PTPRM: variants seen among roughly 807,000 people sequenced by gnomAD.
The protein encoded by PTPRM is protein tyrosine phosphatase receptor type M.
PTPRM carries 47 observed loss-of-function variants against 186.7 expected under a neutral mutation model. The ratio of observed to expected loss-of-function variants is 0.25; its 90% CI spans 0.20 to 0.32. The LOEUF (loss-of-function observed/expected upper bound fraction) is 0.32. PTPRM is among the 10% of genes least tolerant of loss of function. The pLI is 1.00. For missense variants in PTPRM, 1,494 were observed against 1,865.0 expected, an observed-to-expected ratio of 0.80 and a Z score of 3.66; for synonymous variants, 668 against 674.9, an observed-to-expected ratio of 0.99 and a Z score of 0.16.
intron 7 of PTPRM, among the ~76,000 whole-genome samples, chr18:7,982,115 C>T (rs1178023646): frequency 6.6e-6 from 1 of 152,034 alleles, no homozygotes; most frequent in East Asian, 1.9e-4. Context: ...TAAATTAACC[C>T]TAGCTTCCTT....
chr18:8,294,209 G>A (rs1047029851), intron 19 of PTPRM, among the ~76,000 whole-genome samples: 25 of 152,152 alleles, frequency 1.6e-4, no homozygotes, highest in Non-Finnish European at 3.5e-4. Flanking sequence ...CTGAGATCGT[G>A]CCACTGCACT....
At chr18:7,966,132 A>G (rs935345925) in intron 7 of PTPRM, among the ~76,000 whole-genome samples, 1 of 152,242 alleles carries the variant, frequency 6.6e-6, no homozygotes, top group African/African-American at 2.4e-5. Flanking sequence ...ACCTATTAGA[A>G]TAAACTGCAA....
At chr18:8,209,254 A>G (rs2093970117) in intron 14 of PTPRM, among the ~76,000 whole-genome samples, 1 of 152,160 alleles carries the variant, frequency 6.6e-6, no homozygotes, top group South Asian at 2.1e-4. Context: ...CAAGGACACA[A>G]GCGAAGAGAC....
chr18:7,667,729 G>T (rs1000432606), intron 1 of PTPRM, among the ~76,000 whole-genome samples: 1 of 152,076 alleles, frequency 6.6e-6, no homozygotes, highest in Non-Finnish European at 1.5e-5. Context: ...GATAGAAAAA[G>T]GACATTTGCA....
At chr18:8,375,411 T>C (rs969975071) in intron 24 of PTPRM, among the ~76,000 whole-genome samples, 1 of 152,182 alleles carries the variant, frequency 6.6e-6, no homozygotes, top group Admixed American at 6.5e-5. Context: ...TTGCTAGCAA[T>C]TGGATGAATG....
chr18:7,998,958 A>G (rs1446159056), intron 7 of PTPRM, among the ~76,000 whole-genome samples: 1 of 152,206 alleles, frequency 6.6e-6, no homozygotes, highest in African/African-American at 2.4e-5. Flanking sequence ...CCTGGCCTGT[A>G]TAGCATTATT....
At chr18:8,383,221 C>A (rs1408294042) in intron 29 of PTPRM, among the ~76,000 whole-genome samples, 1 of 135,154 alleles carries the variant, frequency 7.4e-6, no homozygotes, top group Non-Finnish European at 1.5e-5. Context: ...TCGCTTGAAC[C>A]CGGGGGGCGG....
chr18:7,888,641 G>T (rs1450357952), intron 3 of PTPRM, among the ~76,000 whole-genome samples: 3 of 152,060 alleles, frequency 2.0e-5, no homozygotes, highest in Admixed American at 2.0e-4. Flanking sequence ...ATAACCAAAG[G>T]AAAATCAATT....
chr18:7,572,951 GA>G (rs1347602706), intron 1 of PTPRM, among the ~76,000 whole-genome samples: 1 of 152,150 alleles, frequency 6.6e-6, no homozygotes, highest in Non-Finnish European at 1.5e-5. Context: ...TTAGTCATCA[GA>G]AAGCCTGAGT....
At chr18:8,031,976 C>T (rs2086004202) in intron 7 of PTPRM, among the ~76,000 whole-genome samples, 1 of 152,056 alleles carries the variant, frequency 6.6e-6, no homozygotes, top group South Asian at 2.1e-4. Flanking sequence ...CACAGTTATT[C>T]AGTATTAGGG....
At chr18:8,341,692 C>G (rs2095475808) in intron 22 of PTPRM, among the ~76,000 whole-genome samples, 1 of 150,068 alleles carries the variant, frequency 6.7e-6, no homozygotes, top group African/African-American at 2.5e-5. Flanking sequence ...GCCCCCCCCC[C>G]TTTGATTCAG....
intron 14 of PTPRM, among the ~76,000 whole-genome samples, chr18:8,171,901 C>A (rs763918948): frequency 1.3e-5 from 2 of 152,152 alleles, no homozygotes; most frequent in Non-Finnish European, 2.9e-5. Flanking sequence ...TCATCTAACA[C>A]AAAACCTATT....
intron 7 of PTPRM, among the ~76,000 whole-genome samples, chr18:8,049,655 C>T (rs192846329): frequency 1.4e-5 from 2 of 147,962 alleles, no homozygotes; most frequent in East Asian, 3.9e-4. Flanking sequence ...ACATAATAAA[C>T]ATATATATAT....
intron 1 of PTPRM, among the ~76,000 whole-genome samples, chr18:7,687,778 A>AT (rs35120781): frequency 0.16 from 23,157 of 140,374 alleles, 2,508 homozygotes; most frequent in African/African-American, 0.32. Flanking sequence ...GAGCTATAAG[A>AT]TTTTTTTTTT....
At chr18:8,315,313 C>T (rs930613781) in intron 21 of PTPRM, among the ~76,000 whole-genome samples, 10 of 152,180 alleles carry the variant, frequency 6.6e-5, no homozygotes, top group Non-Finnish European at 1.2e-4. Context: ...TTTGCAATCC[C>T]TTGTCATCAC....
intron 3 of PTPRM, among the ~76,000 whole-genome samples, chr18:7,895,822 G>A (rs905623344): frequency 2.6e-5 from 4 of 152,190 alleles, no homozygotes; most frequent in African/African-American, 9.6e-5. Flanking sequence ...GTCTTTTGGG[G>A]CATCTCTTAC....
intron 1 of PTPRM, among the ~76,000 whole-genome samples, chr18:7,589,595 G>T (rs906857554): frequency 6.6e-6 from 1 of 152,138 alleles, no homozygotes; most frequent in Non-Finnish European, 1.5e-5. Flanking sequence ...AATCAAGCTG[G>T]TGAATTCTGG....
chr18:7,615,981 C>CT (rs2037793775), intron 1 of PTPRM, among the ~76,000 whole-genome samples: 1 of 152,106 alleles, frequency 6.6e-6, no homozygotes, highest in Non-Finnish European at 1.5e-5. Context: ...CTATGAGAAT[C>CT]TGACACTGCT....
rs367989495 is a variant in PTPRM, at chr18:7,998,390, G to A, written c.1132+42976G>A. Among the ~76,000 whole-genome samples, 28 of 152,046 alleles carry A rather than the reference G, an allele frequency of 1.8e-4. 1 individual carries two copies. The highest frequency in any genetic ancestry group is 1.4e-3 in the East Asian group (7 of 5,164). The stretch of plus-strand genomic sequence containing the variant: ...CAGAGACTGAGAAGGGTAAGGGGTT[G>A]GAAGCCCCAATTACCCTGATTTGAT... On this transcript the variant is annotated intron_variant, in intron 7 of 32. Transcript: ENST00000580170.
Sources: gnomAD v4.1 joint callset for allele counts (sites outside exome capture counted in the v4.1 genomes callset) on GRCh38, gnomAD v4.1.1 for gene constraint, MANE v1.5 for transcripts, NCBI Gene and HGNC (gene_info 2026-07-23, HGNC 2026-07-21) for gene names.